DRG2: variants seen among roughly 807,000 people sequenced by gnomAD.
The protein encoded by DRG2 is developmentally regulated GTP binding protein 2.
In DRG2, 36 loss-of-function variants were observed where a neutral mutation model predicts 53.4. The ratio of observed to expected loss-of-function variants is 0.67; its 90% CI spans 0.52 to 0.89. DRG2 has a LOEUF of 0.89. DRG2 is among the 40% of genes least tolerant of loss of function. The probability of loss-of-function intolerance (pLI) is 0.00; values close to 1 mark genes in which losing one functional copy is unlikely to be tolerated. For synonymous variants in DRG2, 167 were observed against 192.1 expected (o/e 0.87, Z 1.08); for missense variants, 342 against 481.2 (o/e 0.71, Z 2.71).
At chr17:18,094,050 C>G in intron 2 of DRG2, 77 bp downstream of exon 2, 1 of 1,543,454 alleles carries the variant, frequency 6.5e-7, no homozygotes, top group Non-Finnish European at 8.8e-7. Flanking sequence ...CCAGGCTCCC[C>G]TCGCTGCCTT....
intron 9 of DRG2, 67 bp downstream of exon 9, chr17:18,102,064 TC>T (rs1348556263): frequency 1.3e-6 from 2 of 1,509,410 alleles, no homozygotes. Flanking sequence ...TCGTCAGGCC[TC>T]CCAGCCACTT....
chr17:18,107,209 A>AT lies in DRG2; in HGVS notation c.1065dup (p.Glu356Ter). On this transcript the variant is annotated frameshift_variant, in exon 13 of 13. Coordinates refer to ENST00000225729, the MANE Select transcript of DRG2 (RefSeq NM_001388.5). LOFTEE classifies it high-confidence loss of function. ...GTGGGCCTGACCCACACCATGGAGC[A>AT]TGAGGACGTCATCCAGATCGTGAAG... 6.2e-7 allele frequency: 1 copy of AT among 1,613,346 alleles called. No individual in the cohort carries two copies. Among genetic ancestry groups the AT allele is most frequent in the East Asian group, 2.2e-5 (1 of 44,898 alleles).
intron 2 of DRG2, chr17:18,097,173 A>T (rs938080966): frequency 2.6e-5 from 4 of 152,204 alleles, no homozygotes; most frequent in Non-Finnish European, 5.9e-5. Flanking sequence ...CTCAACAGCC[A>T]TTGCTCTTGG....
At position 18,098,261 on chromosome 17, in the gene DRG2, T is replaced by C; in HGVS notation, c.226-9T>C. On this transcript the variant is annotated splice_polypyrimidine_tract_variant and intron_variant, in intron 2 of 12. Coordinates refer to ENST00000225729, the MANE Select transcript of DRG2 (RefSeq NM_001388.5). This position sits in a 1 kb window ranked among gnomAD's most constrained non-coding sequence, Gnocchi z 4.1. ...GGCTCCTCAGTGCAATGATCTCCTT[T>C]TCTCCTAGTCCACATTCTTGAGTCT... is the stretch of plus-strand genomic sequence containing the variant. 1 of 1,612,848 alleles carries C rather than the reference T, an allele frequency of 6.2e-7. No individual in the cohort carries two copies. Among genetic ancestry groups the C allele is most frequent in the South Asian group, 1.1e-5 (1 of 91,030 alleles).
At chr17:18,092,482 T>C (rs947770519) in intron 1 of DRG2, among the ~76,000 whole-genome samples, 2 of 152,130 alleles carry the variant, frequency 1.3e-5, no homozygotes, top group African/African-American at 2.4e-5. Context: ...GTGTCTGGAA[T>C]GTAGCAGAGT....
intron 11 of DRG2, chr17:18,105,440 G>GCATT (rs1369028666): frequency 6.6e-6 from 1 of 152,338 alleles, no homozygotes; most frequent in African/African-American, 2.4e-5. Flanking sequence ...CTGGTCTCAT[G>GCATT]CATTCATTCA....
chr17:18,088,537 C>T (rs536078546), intron 1 of DRG2, among the ~76,000 whole-genome samples: 1 of 152,214 alleles, frequency 6.6e-6, no homozygotes, highest in Non-Finnish European at 1.5e-5. Context: ...TCTGGAAGGC[C>T]TGGGTTTGAG....
Position 18,100,749 on chromosome 17 carries a change from A to G in DRG2, c.631+90A>G. ...ACTAAGACAGGAGGCCTCATGGAGCAGGGTGGCAGCAGGTCACCCCCACTG... is the reference window on the plus strand; with the variant it reads ...ACTAAGACAGGAGGCCTCATGGAGCGGGGTGGCAGCAGGTCACCCCCACTG... On this transcript the variant is annotated intron_variant, in intron 7 of 12. Transcript: ENST00000225729. The surrounding 1 kb of genome is among the most constrained non-coding windows in gnomAD (Gnocchi z 4.1). The G allele has an allele frequency of 1.5e-6, 2 of 1,349,056 alleles. No individual in the cohort carries two copies. The highest frequency in any genetic ancestry group is 1.0e-6 in the Non-Finnish European group (1 of 972,336). 83.6% of individuals were successfully genotyped at this position (1,349,056 alleles called of 1,614,324 possible).
chr17:18,100,625 G>A lies in DRG2; in HGVS notation c.597G>A (p.Ser199=), dbSNP rs748232689. The A allele has an allele frequency of 1.5e-5, 24 of 1,614,024 alleles. No homozygotes were observed. In the Admixed American group the frequency reaches 1.8e-4, roughly 12 times the overall value. Residue 199 remains serine (S), a synonymous_variant, in exon 7 of 13, where the codon TCG becomes TCA. Transcript: ENST00000225729. The surrounding 1 kb of genome is among the most constrained non-coding windows in gnomAD (Gnocchi z 4.1). ...FNSTVTLTQC[S]EKLVQLILHE... ...CGACAGTCACGCTGACCCAGTGCTC[G>A]GAAAAGCTGGTGCAGCTCATCCTGC...
At position 18,099,948 on chromosome 17, in the gene DRG2, G is replaced by C; in HGVS notation, c.467+225G>C. 1.7e-6 allele frequency: 1 copy of C among 604,552 alleles called. No homozygotes were observed. The highest frequency in any genetic ancestry group is 2.0e-5 in the South Asian group (1 of 50,392). The allele number at this position is 604,552 out of a possible 1,614,324, so 37.4% of individuals were successfully genotyped here. ...CTTGGGACTGGGGGCCGAGGGGCTT[G>C]GCCTGGCCCTGCTTCCTGTTCAGAG... On this transcript the variant is annotated intron_variant, in intron 5 of 12. Coordinates refer to ENST00000225729, the MANE Select transcript of DRG2 (RefSeq NM_001388.5). The surrounding 1 kb of genome is among the most constrained non-coding windows in gnomAD (Gnocchi z 4.4).
rs796636513 is a variant in DRG2 at position 18,089,840 on chromosome 17, CTGGGGT to C, written c.64+1754_64+1759del. On this transcript the variant is annotated intron_variant, in intron 1 of 12. Coordinates refer to ENST00000225729, the MANE Select transcript of DRG2 (RefSeq NM_001388.5). ...TGTTTACAGGTCAACAGGACTGGGGCTGGGGTGCAGTGATGGGACAGGAGGGGGTTG... is the reference window on the plus strand; with the variant it reads ...TGTTTACAGGTCAACAGGACTGGGGCGCAGTGATGGGACAGGAGGGGGTTG... 6.4e-4 allele frequency among the ~76,000 whole-genome samples: 97 copies of C among 152,154 alleles called. 2 individuals are homozygous for C. Among genetic ancestry groups the C allele is most frequent in the African/African-American group, 2.3e-3 (95 of 41,518 alleles).
chr17:18,096,052 T>C (rs899987505), intron 2 of DRG2: 1 of 152,222 alleles, frequency 6.6e-6, no homozygotes, highest in African/African-American at 2.4e-5. Flanking sequence ...AATGTTTTTC[T>C]CGTGGTTAAT....
chr17:18,096,897 C>A (rs1278817692), intron 2 of DRG2: 1 of 152,248 alleles, frequency 6.6e-6, no homozygotes, highest in African/African-American at 2.4e-5. Flanking sequence ...TAACAGCTAC[C>A]TTTTCTTGAG....
At chr17:18,102,115 C>G in intron 9 of DRG2, 118 bp downstream of exon 9, 17 of 1,066,202 alleles carry the variant, frequency 1.6e-5, no homozygotes, top group Non-Finnish European at 2.2e-5. Flanking sequence ...CCTCCAGCAG[C>G]ACACAGCCGT....
intron 2 of DRG2, chr17:18,096,271 A>G (rs2045432357): frequency 6.6e-6 from 1 of 152,158 alleles, no homozygotes; most frequent in Non-Finnish European, 1.5e-5. Flanking sequence ...TGTGCAGTCC[A>G]ATTCCATCGC....
At chr17:18,096,759 T>C (rs1444993860) in intron 2 of DRG2, 4 of 152,338 alleles carry the variant, frequency 2.6e-5, no homozygotes, top group East Asian at 3.9e-4. Flanking sequence ...TGCTAGAATA[T>C]AGGCCAAGTG....
intron 1 of DRG2, among the ~76,000 whole-genome samples, chr17:18,092,610 A>G (rs937281284): frequency 1.3e-5 from 2 of 152,196 alleles, no homozygotes; most frequent in East Asian, 1.9e-4. Flanking sequence ...GAAATTCCCC[A>G]TCAGTAATAT....
chr17:18,104,728 C>A (rs779119135), intron 11 of DRG2, 47 bp downstream of exon 11: 3 of 1,613,102 alleles, frequency 1.9e-6, no homozygotes, highest in East Asian at 2.2e-5. Context: ...GCTCTGCATG[C>A]CCTTTGGGGC....
Position 18,106,436 on chromosome 17 carries a change from C to T in DRG2, c.958C>T (p.His320Tyr). 1 of 1,614,040 alleles carries T rather than the reference C, an allele frequency of 6.2e-7. No individual in the cohort carries two copies. Residue 320 changes from histidine (H) to tyrosine (Y), a missense_variant, in exon 12 of 13, where the codon CAC becomes TAC. His to Tyr is a moderately conservative substitution (Grantham distance 83). Coordinates refer to ENST00000225729, the MANE Select transcript of DRG2 (RefSeq NM_001388.5). ...CTGACTCTCTCCTGTCCTCCAGTGC[C>T]ACCGCATCCACCGGTCACTCGCCAG... is the stretch of plus-strand genomic sequence containing the variant. ...RKGASVEHVC[H>Y]RIHRSLASQF...
Sources: allele counts gnomAD v4.1 joint callset (sites outside exome capture counted in the v4.1 genomes callset), GRCh38; gene constraint gnomAD v4.1.1; non-coding constraint Gnocchi (gnomAD v3.1); transcripts MANE v1.5; gene names NCBI Gene and HGNC (gene_info 2026-07-23, HGNC 2026-07-21).